C3: variants seen among roughly 807,000 people sequenced by gnomAD.
The protein encoded by C3 is C3 and PZP-like alpha-2-macroglobulin domain-containing protein 1.
Under a neutral mutation model 207.9 loss-of-function variants are expected in C3, and 97 were observed. The ratio of observed to expected loss-of-function variants is 0.47; its 90% CI spans 0.40 to 0.55. C3 has a LOEUF of 0.55. Ranked by LOEUF, C3 falls within the 20% of genes least tolerant of loss-of-function variation. The pLI is 0.00. For missense variants in C3, 1,684 were observed against 2,171.7 expected, an observed-to-expected ratio of 0.78 and a Z score of 4.46; for synonymous variants, 848 against 857.6, an observed-to-expected ratio of 0.99 and a Z score of 0.20.
chr19:6,715,535 G>C (rs1968011175), intron 4 of C3, among the ~76,000 whole-genome samples: 2 of 151,872 alleles, frequency 1.3e-5, no homozygotes, highest in East Asian at 3.9e-4. Flanking sequence ...TTGTACAGAG[G>C]TAACAGGGAT....
chr19:6,693,616 G>A, intron 24 of C3, 129 bp from the exon 25 acceptor site: 2 of 791,404 alleles, frequency 2.5e-6, no homozygotes, highest in South Asian at 2.9e-5. Flanking sequence ...GGGAGGAGGG[G>A]ACCTTAAAAA....
Position 6,717,839 on chromosome 19 carries a change from TG to T in C3, c.504+254del, listed in dbSNP as rs1968072591. The T allele has an allele frequency of 2.4e-5, 14 of 590,446 alleles. No individual in the cohort carries two copies. The East Asian group carries it at 4.1e-4, about 17-fold the overall frequency. 36.6% of individuals were successfully genotyped at this position (590,446 alleles called of 1,614,324 possible). A position where few individuals can be genotyped will look rare whatever the true frequency, so the allele number is the denominator to read the frequency against. On this transcript the variant is annotated intron_variant, in intron 4 of 40. Transcript: ENST00000245907. ...GTGTATGTTGTGTGTTTGTGTGTGT[TG>T]CATTGTGTGTGTGCATTGTGTGTGC...
chr19:6,710,522 GAGAA>G, intron 13 of C3, 113 bp downstream of exon 13: 3 of 776,746 alleles, frequency 3.9e-6, no homozygotes, highest in East Asian at 5.5e-5. Flanking sequence ...AGAGAAGAGA[GAGAA>G]AGGAGAGAGA....
At chr19:6,697,042 A>AAAAAAAAAAAAAAAT (rs1491393453) in intron 21 of C3, among the ~76,000 whole-genome samples, 2 of 71,710 alleles carry the variant, frequency 2.8e-5, no homozygotes, top group Admixed American at 1.8e-4. Flanking sequence ...ACTCTGTCTC[A>AAAAAAAAAAAAAAAT]AAAAAATAAA....
chr19:6,714,308 G>A, intron 5 of C3, 44 bp downstream of exon 5: 1 of 1,606,640 alleles, frequency 6.2e-7, no homozygotes, highest in Non-Finnish European at 8.5e-7. Flanking sequence ...TCCCTCTCCG[G>A]GGATAGGGGA....
At chr19:6,709,618 C>CA in intron 14 of C3, 66 bp downstream of exon 14, 1 of 1,104,164 alleles carries the variant, frequency 9.1e-7, no homozygotes, top group Admixed American at 1.7e-5. Flanking sequence ...CAGTCCCACC[C>CA]ACCTCCCCCA....
In C3 at chr19:6,697,684, G is replaced by A. The variant is rs1193218278; in HGVS notation, c.2551C>T (p.Leu851Phe). Residue 851 changes from leucine (L) to phenylalanine (F), a missense_variant, in exon 20 of 41, where the codon CTC becomes TTC. Leu to Phe is a conservative substitution (Grantham distance 22). Coordinates refer to ENST00000245907, the MANE Select transcript of C3 (RefSeq NM_000064.4). ...RNEQVEIRAVLYNYRQNQELK... is the reference protein window; with the variant it reads ...RNEQVEIRAVFYNYRQNQELK... ...TCTTGGTTCTGCCGGTAATTGTAGA[G>A]AACGGCTCGGATTTCCACCTGCTCG... The A allele has an allele frequency of 1.1e-5, 17 of 1,613,992 alleles. No homozygotes were observed. Among genetic ancestry groups the A allele is most frequent in the African/African-American group, 2.7e-5 (2 of 74,898 alleles).
At chr19:6,714,559 T>C (rs1967991933) in intron 4 of C3, 113 bp from the exon 5 acceptor site, 2 of 801,006 alleles carry the variant, frequency 2.5e-6, no homozygotes, top group East Asian at 2.6e-5. Context: ...CAGTGTCTAC[T>C]GTGGTTAAGA....
intron 14 of C3, among the ~76,000 whole-genome samples, chr19:6,709,301 A>G (rs961807225): frequency 6.6e-6 from 1 of 152,152 alleles, no homozygotes; most frequent in Non-Finnish European, 1.5e-5. Context: ...TACAAAAATT[A>G]GCTGGGCGTG....
intron 14 of C3, 62 bp downstream of exon 14, chr19:6,709,622 T>TCCCACCCCCCA: frequency 2.3e-6 from 1 of 433,692 alleles, no homozygotes; most frequent in Non-Finnish European, 4.0e-6. Flanking sequence ...CCCACCCACC[T>TCCCACCCCCCA]CCCCCAGCCC....
At chr19:6,680,377 G>A (rs947585696) in intron 35 of C3, 114 bp from the exon 36 acceptor site, 6 of 721,786 alleles carry the variant, frequency 8.3e-6, no homozygotes, top group Non-Finnish European at 1.5e-5. Context: ...AAGTGGCAAA[G>A]ATGAATGAGC....
chr19:6,716,767 A>T (rs1296737323), intron 4 of C3: 1 of 152,260 alleles, frequency 6.6e-6, no homozygotes, highest in East Asian at 1.9e-4. Context: ...TCAAATGAAT[A>T]AATCTCATTT....
rs137879257 is a variant in C3, at chr19:6,709,636, C to T, written c.1845+48G>A. 241 of 1,546,774 alleles carry T rather than the reference C, an allele frequency of 1.6e-4. No individual in the cohort carries two copies. In the African/African-American group the frequency reaches 2.6e-3, roughly 17 times the overall value. ...TCCCACCCACCTCCCCCAGCCCCAG[C>T]TCCGTGCCTCCGCCTCTTCTCAGCA... On this transcript the variant is annotated intron_variant, in intron 14 of 40. Transcript: ENST00000245907.
At chr19:6,711,397 G>T (rs569840633) in intron 11 of C3, among the ~76,000 whole-genome samples, 138 of 152,250 alleles carry the variant, frequency 9.1e-4, no homozygotes, top group Non-Finnish European at 1.8e-3. Flanking sequence ...TTAAGCAGGG[G>T]CAGGGGAGAA....
chr19:6,697,687 C>T lies in C3; in HGVS notation c.2548G>A (p.Val850Ile), dbSNP rs544858538. 34 of 1,614,098 alleles carry T rather than the reference C, an allele frequency of 2.1e-5. No individual in the cohort carries two copies. The highest frequency in any genetic ancestry group is 1.5e-4 in the African/African-American group (11 of 75,036). Reference sequence around the variant, plus strand: ...TGGTTCTGCCGGTAATTGTAGAGAACGGCTCGGATTTCCACCTGCTCGTTT... The same window carrying T: ...TGGTTCTGCCGGTAATTGTAGAGAATGGCTCGGATTTCCACCTGCTCGTTT... ...VRNEQVEIRAVLYNYRQNQEL... is the reference protein window; with the variant it reads ...VRNEQVEIRAILYNYRQNQEL... Residue 850 changes from valine (V) to isoleucine (I), a missense_variant, in exon 20 of 41, where the codon GTT becomes ATT. Around this residue, in one of 3 missense-constraint regions of C3, gnomAD observed 1,280 missense variants for 1,739.1 expected, o/e 0.74. Transcript: ENST00000245907.
At chr19:6,689,338 T>TACCC (rs1918101826) in intron 27 of C3, among the ~76,000 whole-genome samples, 1 of 27,350 alleles carries the variant, frequency 3.7e-5, no homozygotes, top group African/African-American at 1.9e-4. Context: ...CCTCCCTCCC[T>TACCC]CCCTCCCTCC....
At chr19:6,700,166 T>C (rs974460487) in intron 19 of C3, among the ~76,000 whole-genome samples, 1 of 141,972 alleles carries the variant, frequency 7.0e-6, no homozygotes, top group Non-Finnish European at 1.5e-5. Context: ...TAAATTATAA[T>C]ACATATTATA....
chr19:6,720,586 C>T lies in C3; in HGVS notation c.4G>A (p.Gly2Arg), dbSNP rs778996328. Reference sequence around the variant, plus strand: ...AGCAGGCTGGGACCTGAGGTGGGTCCCATGGTGCTGGGACAGTGCAGGGTC... The same window carrying T: ...AGCAGGCTGGGACCTGAGGTGGGTCTCATGGTGCTGGGACAGTGCAGGGTC... M[G>R]PTSGPSLLLL... is the part of the protein sequence containing the mutation. Residue 2 changes from glycine to arginine, a missense_variant, in exon 1 of 41, where the codon GGA becomes AGA. Transcript: ENST00000245907. 5 of 1,578,260 alleles carry T rather than the reference C, an allele frequency of 3.2e-6. No homozygotes were observed. The South Asian group carries it at 5.8e-5, about 18-fold the overall frequency.
chr19:6,709,940 T>C lies in C3; in HGVS notation c.1687-98A>G, dbSNP rs531230457. 2.2e-3 allele frequency: 2,350 copies of C among 1,071,230 alleles called. 7 individuals carry two copies. Among genetic ancestry groups the C allele is most frequent in the Non-Finnish European group, 2.4e-3 (1,845 of 776,248 alleles). The allele number at this position is 1,071,230 out of a possible 1,614,324, so 66.4% of individuals were successfully genotyped here. ...GGGCTAGAGTGGAAAGACAGAAAGG[T>C]TGGGGGGAGCCGTGGGGCTGGGGAG... On this transcript the variant is annotated intron_variant, in intron 13 of 40. Coordinates refer to ENST00000245907, the MANE Select transcript of C3 (RefSeq NM_000064.4).
Sources: gnomAD v4.1 joint callset for allele counts (sites outside exome capture counted in the v4.1 genomes callset) on GRCh38, gnomAD v4.1.1 for gene constraint, gnomAD v4.1.1 regional missense constraint, MANE v1.5 for transcripts, NCBI Gene and HGNC (gene_info 2026-07-23, HGNC 2026-07-21) for gene names.